HMCN1: variants seen among roughly 807,000 people sequenced by gnomAD.
HMCN1 encodes hemicentin 1.
HMCN1 carries 321 observed loss-of-function variants against 625.9 expected under a neutral mutation model. That is an observed-to-expected ratio of 0.51 (90% confidence interval 0.47 to 0.56). HMCN1 has a LOEUF of 0.56. Among genes scored for constraint, HMCN1 ranks in the 20% least tolerant of loss-of-function variants. The pLI, the probability that HMCN1 is intolerant of heterozygous loss-of-function variation, is 0.00. For synonymous variants in HMCN1, 2,425 were observed against 2,417.6 expected, an observed-to-expected ratio of 1.00 and a Z score of -0.09; for missense variants, 6,588 against 6,887.3, an observed-to-expected ratio of 0.96 and a Z score of 1.54.
intron 2 of HMCN1, among the ~76,000 whole-genome samples, chr1:185,854,296 TA>T (rs1025894631): frequency 4.0e-5 from 6 of 151,602 alleles, no homozygotes; most frequent in Non-Finnish European, 5.9e-5. Context: ...TCCTAGACCT[TA>T]AAAAAAAATT....
Position 186,120,145 on chromosome 1 carries a change from G to A in HMCN1, c.12229G>A (p.Val4077Ile). ...GGGCAAAATCAAGTTAAATGTCCAA[G>A]GTACCTAAATAATTCATCTCTGTTT... Reference protein sequence around the residue: ...ALGKIKLNVQVPPVISPHLKE... With the variant: ...ALGKIKLNVQIPPVISPHLKE... The change falls in exon 80 of 107, where the codon GTT (valine) becomes ATT (isoleucine). Residue 4077 changes from valine to isoleucine, a missense_variant and splice_region_variant. Val to Ile is a conservative substitution (Grantham distance 29). Around this residue, in one of 3 missense-constraint regions of HMCN1, gnomAD observed 1,954 missense variants for 2,013.1 expected, o/e 0.97. Transcript: ENST00000271588. The A allele has an allele frequency of 6.2e-7, 1 of 1,613,608 alleles. No homozygotes were observed. Among genetic ancestry groups the A allele is most frequent in the Admixed American group, 1.7e-5 (1 of 59,942 alleles).
intron 4 of HMCN1, among the ~76,000 whole-genome samples, chr1:185,908,656 A>G (rs1666238272): frequency 6.6e-6 from 1 of 151,800 alleles, no homozygotes; most frequent in South Asian, 2.1e-4. Flanking sequence ...TTTAAAGACT[A>G]TTTTTCAAGA....
chr1:186,171,932 CA>C (rs1453725778), intron 101 of HMCN1, 73 bp from the exon 102 acceptor site: 2 of 1,460,094 alleles, frequency 1.4e-6, no homozygotes, highest in Non-Finnish European at 9.5e-7. Flanking sequence ...CCCTAAAATC[CA>C]AAAGTATGAT....
At chr1:185,783,222 C>G (rs1365857412) in intron 1 of HMCN1, among the ~76,000 whole-genome samples, 1 of 152,186 alleles carries the variant, frequency 6.6e-6, no homozygotes. Context: ...CTTGTCTACA[C>G]TGCTTATTCT....
intron 1 of HMCN1, among the ~76,000 whole-genome samples, chr1:185,735,474 T>TAGAAA (rs1653496238): frequency 1.3e-5 from 2 of 152,212 alleles, no homozygotes. Flanking sequence ...AACTCTCATT[T>TAGAAA]AAGAGGGGAA....
At chr1:185,845,900 G>A (rs1661782092) in intron 1 of HMCN1, 126 bp from the exon 2 acceptor site, 2 of 685,468 alleles carry the variant, frequency 2.9e-6, no homozygotes, top group Non-Finnish European at 2.6e-6. Flanking sequence ...AGAGTGTTTG[G>A]TATTTTACTA....
intron 80 of HMCN1, 77 bp from the exon 81 acceptor site, chr1:186,122,874 G>A: frequency 5.6e-6 from 8 of 1,421,074 alleles, no homozygotes; most frequent in Non-Finnish European, 7.9e-6. Flanking sequence ...GTTTGCTAGA[G>A]CAGTACTGTA....
intron 1 of HMCN1, among the ~76,000 whole-genome samples, chr1:185,844,010 G>GT (rs1299550995): frequency 1.3e-5 from 2 of 151,942 alleles, no homozygotes; most frequent in African/African-American, 4.8e-5. Context: ...TGATATAATT[G>GT]TTTTTTTCTA....
At chr1:185,851,808 C>G (rs376785089) in intron 2 of HMCN1, among the ~76,000 whole-genome samples, 7 of 151,848 alleles carry the variant, frequency 4.6e-5, no homozygotes, top group Admixed American at 2.0e-4. Flanking sequence ...AACACACACC[C>G]CCCCCAACAC....
In HMCN1 at chr1:186,039,768, G is replaced by T; in HGVS notation, c.6069G>T (p.Val2023=). The change falls in exon 39 of 107, where the codon GTG becomes GTT. Residue 2023 remains valine (V), a synonymous_variant. Transcript: ENST00000271588. ...CTGGCAGCAATAACATGGTGGCAGTGGTGGTTAATAACCCGGTGAGGTTAG... is the reference window on the plus strand; with the variant it reads ...CTGGCAGCAATAACATGGTGGCAGTTGTGGTTAATAACCCGGTGAGGTTAG... ...SISGSNNMVA[V]VVNNPVRLEC... 6.2e-7 allele frequency: 1 copy of T among 1,613,520 alleles called. No individual in the cohort carries two copies. Among genetic ancestry groups the T allele is most frequent in the South Asian group, 1.1e-5 (1 of 91,074 alleles).
At chr1:185,883,631 A>G (rs1664444814) in intron 4 of HMCN1, among the ~76,000 whole-genome samples, 2 of 152,002 alleles carry the variant, frequency 1.3e-5, no homozygotes, top group African/African-American at 4.8e-5. Context: ...ATTTGTTTAT[A>G]CCACAATTTG....
intron 4 of HMCN1, among the ~76,000 whole-genome samples, chr1:185,869,619 A>G (rs1485406117): frequency 6.6e-6 from 1 of 152,156 alleles, no homozygotes; most frequent in African/African-American, 2.4e-5. Context: ...CTGGAACTGT[A>G]CAAGTCAATA....
intron 97 of HMCN1, among the ~76,000 whole-genome samples, chr1:186,154,999 T>C (rs1465076717): frequency 1.3e-5 from 2 of 152,206 alleles, no homozygotes; most frequent in Non-Finnish European, 2.9e-5. Context: ...AGCTTTGAAC[T>C]TTAGGCTCCC....
chr1:185,856,487 CAAAAA>C (rs58320542), intron 2 of HMCN1, among the ~76,000 whole-genome samples: 1 of 102,798 alleles, frequency 9.7e-6, no homozygotes. Context: ...GACCCTGTCT[CAAAAA>C]AAAAAAAAAA....
intron 1 of HMCN1, among the ~76,000 whole-genome samples, chr1:185,824,361 G>A (rs1440876768): frequency 6.6e-6 from 1 of 152,096 alleles, no homozygotes; most frequent in Non-Finnish European, 1.5e-5. Context: ...TGTACCACAC[G>A]TATCTCACAC....
chr1:186,097,894 T>G (rs1003207140), intron 68 of HMCN1, among the ~76,000 whole-genome samples: 8 of 152,048 alleles, frequency 5.3e-5, no homozygotes, highest in African/African-American at 1.9e-4. Context: ...AGAAATAAAT[T>G]CATGCATCTA....
chr1:186,156,336 G>A (rs1651018844), intron 97 of HMCN1, among the ~76,000 whole-genome samples: 1 of 152,008 alleles, frequency 6.6e-6, no homozygotes, highest in Non-Finnish European at 1.5e-5. Context: ...ACATACAAAG[G>A]CGCTTCAAAA....
At position 185,963,037 on chromosome 1, in the gene HMCN1, C is replaced by A. The variant is rs559851389; in HGVS notation, c.1970+378C>A. ...CCTGGATTTAACAGAAGAGAGAGGTCAAGAACAGACCAGTAGCTCTAATTA... is the reference window on the plus strand; with the variant it reads ...CCTGGATTTAACAGAAGAGAGAGGTAAAGAACAGACCAGTAGCTCTAATTA... On this transcript the variant is annotated intron_variant, in intron 12 of 106. Transcript: ENST00000271588. Among the ~76,000 whole-genome samples, 4 of 152,248 alleles carry A rather than the reference C, an allele frequency of 2.6e-5. No individual in the cohort carries two copies. In the South Asian group the frequency reaches 8.3e-4, roughly 32 times the overall value.
chr1:186,015,829 G>A (rs1174488902), intron 31 of HMCN1, 129 bp from the exon 32 acceptor site: 1 of 800,344 alleles, frequency 1.2e-6, no homozygotes, highest in East Asian at 2.6e-5. Flanking sequence ...CTTAGAGGGA[G>A]ACAGGCATAT....
Sources: allele counts gnomAD v4.1 joint callset (sites outside exome capture counted in the v4.1 genomes callset), GRCh38; gene constraint gnomAD v4.1.1; regional missense constraint gnomAD v4.1.1; transcripts MANE v1.5; gene names NCBI Gene and HGNC (gene_info 2026-07-23, HGNC 2026-07-21).